Variants in ZFPM2 observed in about 807,000 individuals in gnomAD.
ZFPM2 encodes the protein zinc finger protein, FOG family member 2, also known as zinc finger protein ZFPM2.
In ZFPM2, 20 loss-of-function variants were observed where a neutral mutation model predicts 98.6. That is an observed-to-expected ratio of 0.20 (90% CI 0.14 to 0.29). The LOEUF (loss-of-function observed/expected upper bound fraction) is 0.29, where lower values mean the gene tolerates loss of function less well. ZFPM2 is among the 10% of genes least tolerant of loss of function. The probability of loss-of-function intolerance (pLI) is 1.00; values close to 1 mark genes in which losing one functional copy is unlikely to be tolerated. For missense variants in ZFPM2, 1,310 were observed against 1,388.6 expected, an observed-to-expected ratio of 0.94 and a Z score of 0.90; for synonymous variants, 518 against 502.7, an observed-to-expected ratio of 1.03 and a Z score of -0.41.
rs534663438 is a variant in ZFPM2, at chr8:105,384,015, A to G, written c.41-35129A>G. On this transcript the variant is annotated intron_variant, in intron 1 of 7. Transcript: ENST00000407775. ...CACTAGACAACTACAGAATTCCATT[A>G]ACTGAAGTATGCTTAGGAAATATGC... 1.1e-4 allele frequency among the ~76,000 whole-genome samples: 17 copies of G among 152,332 alleles called. 1 individual carries two copies. The South Asian group carries it at 3.3e-3, about 30-fold the overall frequency.
At chr8:105,738,392 G>A (rs1018650025) in intron 5 of ZFPM2, among the ~76,000 whole-genome samples, 2 of 152,042 alleles carry the variant, frequency 1.3e-5, no homozygotes, top group Non-Finnish European at 2.9e-5. Flanking sequence ...TGGTGTCTAT[G>A]TACCACGTTT....
intron 4 of ZFPM2, among the ~76,000 whole-genome samples, chr8:105,569,406 T>C (rs1264313231): frequency 6.6e-6 from 1 of 152,208 alleles, no homozygotes; most frequent in Non-Finnish European, 1.5e-5. Context: ...GTTTCGTCTG[T>C]GATCTTGCTT....
chr8:105,590,187 CA>C (rs577695360), intron 4 of ZFPM2, among the ~76,000 whole-genome samples: 120 of 152,236 alleles, frequency 7.9e-4, no homozygotes, highest in African/African-American at 2.2e-3. Context: ...TTATCCCTTG[CA>C]GTATTAGTAA....
chr8:105,343,011 A>C (rs1812457836), intron 1 of ZFPM2, among the ~76,000 whole-genome samples: 1 of 152,080 alleles, frequency 6.6e-6, no homozygotes, highest in African/African-American at 2.4e-5. Context: ...GAAAACATTG[A>C]GTTATTTTTA....
chr8:105,755,794 T>C (rs1422879157), intron 5 of ZFPM2, among the ~76,000 whole-genome samples: 1 of 152,116 alleles, frequency 6.6e-6, no homozygotes, highest in Non-Finnish European at 1.5e-5. Context: ...AAAAGAACCT[T>C]GATCATTTTT....
At chr8:105,554,314 C>G (rs1426107643) in intron 3 of ZFPM2, among the ~76,000 whole-genome samples, 1 of 152,144 alleles carries the variant, frequency 6.6e-6, no homozygotes. Context: ...AGATAATCAG[C>G]AGTGAAATGA....
Position 105,634,310 on chromosome 8 carries a change from G to C in ZFPM2, c.485G>C (p.Trp162Ser), listed in dbSNP as rs774234253. ...AGPKWLLDVT[W>S]QGVEDNKNNC... ...CCCAAGTGGTTGCTGGATGTGACTT[G>C]GCAAGGAGTGGAAGACAACAAAAAC... is the stretch of plus-strand genomic sequence containing the variant. The change falls in exon 5 of 8, where the codon TGG (tryptophan) becomes TCG (serine). Residue 162 changes from tryptophan (W) to serine (S), a missense_variant. Physicochemically the swap from Trp to Ser is radical, Grantham distance 177. Transcript: ENST00000407775. The C allele has an allele frequency of 6.2e-7, 1 of 1,613,032 alleles. No individual in the cohort carries two copies. The highest frequency in any genetic ancestry group is 8.5e-7 in the Non-Finnish European group (1 of 1,179,474).
chr8:105,522,497 C>T (rs896109258), intron 3 of ZFPM2, among the ~76,000 whole-genome samples: 13 of 152,170 alleles, frequency 8.5e-5, no homozygotes, highest in Admixed American at 2.0e-4. Flanking sequence ...TATGGCTGGG[C>T]GCGGTGGCTC....
At chr8:105,391,247 C>G (rs772139562) in intron 1 of ZFPM2, among the ~76,000 whole-genome samples, 1 of 152,106 alleles carries the variant, frequency 6.6e-6, no homozygotes, top group African/African-American at 2.4e-5. Context: ...ATTGGACTTT[C>G]CCCAGAACTT....
intron 1 of ZFPM2, among the ~76,000 whole-genome samples, chr8:105,374,547 G>A (rs1299022438): frequency 4.6e-5 from 7 of 151,718 alleles, no homozygotes; most frequent in Non-Finnish European, 8.8e-5. Flanking sequence ...CGCCACACCC[G>A]GTGCAATTTA....
At chr8:105,761,237 T>C (rs1812728553) in intron 5 of ZFPM2, among the ~76,000 whole-genome samples, 1 of 152,046 alleles carries the variant, frequency 6.6e-6, no homozygotes, top group Non-Finnish European at 1.5e-5. Context: ...AGGAGAAATC[T>C]ACACCTTTCT....
chr8:105,434,419 C>A (rs7007192), intron 2 of ZFPM2, among the ~76,000 whole-genome samples: 52,347 of 151,948 alleles, frequency 0.34, 11,374 homozygotes, highest in African/African-American at 0.62. Flanking sequence ...CTCGCCCTTC[C>A]GTATGAGCTG....
chr8:105,730,562 C>A (rs1490767329), intron 5 of ZFPM2, among the ~76,000 whole-genome samples: 4 of 151,776 alleles, frequency 2.6e-5, no homozygotes, highest in Admixed American at 1.3e-4. Flanking sequence ...TCTTCCCTAA[C>A]CCCAGTGGTC....
chr8:105,515,706 G>A (rs368969968), intron 3 of ZFPM2, among the ~76,000 whole-genome samples: 61 of 152,046 alleles, frequency 4.0e-4, no homozygotes, highest in African/African-American at 1.5e-3. Context: ...GTTCTTTGCT[G>A]TCTCCAGGCT....
At chr8:105,652,450 A>T (rs1817201071) in intron 5 of ZFPM2, among the ~76,000 whole-genome samples, 1 of 151,582 alleles carries the variant, frequency 6.6e-6, no homozygotes, top group East Asian at 2.0e-4. Context: ...TGCAAGCAAG[A>T]GTATTCCAAT....
At chr8:105,800,745 T>G (rs1318332735) in intron 7 of ZFPM2, among the ~76,000 whole-genome samples, 2 of 152,154 alleles carry the variant, frequency 1.3e-5, no homozygotes, top group Non-Finnish European at 2.9e-5. Flanking sequence ...AATAGCTTTA[T>G]TAACATAATC....
chr8:105,643,216 A>C (rs965530471), intron 5 of ZFPM2, among the ~76,000 whole-genome samples: 1 of 152,188 alleles, frequency 6.6e-6, no homozygotes, highest in African/African-American at 2.4e-5. Context: ...ACACCTCTAG[A>C]AAACATTAGT....
intron 3 of ZFPM2, among the ~76,000 whole-genome samples, chr8:105,498,045 A>AC (rs1414066982): frequency 1.3e-5 from 2 of 149,948 alleles, no homozygotes; most frequent in African/African-American, 4.9e-5. Context: ...AAAAAAAAAA[A>AC]ACAAAATCCA....
chr8:105,444,238 C>A, intron 2 of ZFPM2, 42 bp from the exon 3 acceptor site: 4 of 1,491,668 alleles, frequency 2.7e-6, no homozygotes, highest in South Asian at 1.2e-5. Flanking sequence ...AAAGAGAGAG[C>A]TTTGCTCATT....
Sources: allele counts gnomAD v4.1 joint callset (sites outside exome capture counted in the v4.1 genomes callset), GRCh38; gene constraint gnomAD v4.1.1; transcripts MANE v1.5; gene names NCBI Gene and HGNC (gene_info 2026-07-23, HGNC 2026-07-21).